The following WASHC3 variants were observed in gnomAD, a reference collection of about 807,000 sequenced individuals.
WASHC3 encodes the protein WASH complex subunit CCDC53.
A neutral mutation model predicts 26.1 loss-of-function variants in WASHC3; 24 were observed. The ratio of observed to expected loss-of-function variants is 0.92; its 90% CI spans 0.66 to 1.29. The LOEUF (loss-of-function observed/expected upper bound fraction) is 1.29. Among genes scored for constraint, WASHC3 ranks in the 50% most tolerant of loss-of-function variants. The pLI is 0.00. For missense variants in WASHC3, 214 were observed against 229.6 expected (o/e 0.93, Z 0.44); for synonymous variants, 77 against 75.7 (o/e 1.02, Z -0.09).
intron 5 of WASHC3, among the ~76,000 whole-genome samples, chr12:102,030,226 C>T (rs1002219677): frequency 1.4e-5 from 2 of 146,104 alleles, no homozygotes; most frequent in South Asian, 2.1e-4. Flanking sequence ...ACCCAGGAGG[C>T]GGAGGTTGCG....
intron 4 of WASHC3, among the ~76,000 whole-genome samples, chr12:102,040,625 T>C (rs1877899785): frequency 6.6e-6 from 1 of 152,104 alleles, no homozygotes; most frequent in Admixed American, 6.5e-5. Flanking sequence ...TAAATATGAC[T>C]TACAATAAAG....
At chr12:102,054,891 A>G (rs916827004) in intron 2 of WASHC3, among the ~76,000 whole-genome samples, 1 of 152,220 alleles carries the variant, frequency 6.6e-6, no homozygotes, top group Non-Finnish European at 1.5e-5. Context: ...ATCAATACTT[A>G]TGGGAGGTGG....
At chr12:102,043,218 G>A (rs1331132656) in intron 4 of WASHC3, among the ~76,000 whole-genome samples, 7 of 152,110 alleles carry the variant, frequency 4.6e-5, no homozygotes, top group African/African-American at 1.2e-4. Context: ...GGTCCATGGC[G>A]TGTACTTGAG....
intron 5 of WASHC3, among the ~76,000 whole-genome samples, chr12:102,028,420 G>A (rs1333335077): frequency 2.0e-5 from 3 of 152,104 alleles, no homozygotes; most frequent in Non-Finnish European, 4.4e-5. Flanking sequence ...TAATGTCATA[G>A]TTCTTTAAAA....
chr12:102,061,638 G>C (rs934674201), intron 1 of WASHC3, among the ~76,000 whole-genome samples: 4 of 152,222 alleles, frequency 2.6e-5, no homozygotes, highest in African/African-American at 9.6e-5. Context: ...GGTAGGGCTA[G>C]CTATCGCAAC....
chr12:102,036,210 A>C (rs1471492827), intron 5 of WASHC3, among the ~76,000 whole-genome samples: 1 of 151,930 alleles, frequency 6.6e-6, no homozygotes, highest in Non-Finnish European at 1.5e-5. Flanking sequence ...AAGTACACAA[A>C]TTAGCTGGGT....
chr12:102,061,997 CA>C, upstream of WASHC3: 1 of 1,566,372 alleles, frequency 6.4e-7, no homozygotes, highest in Non-Finnish European at 8.7e-7. Context: ...AGTTCACCCA[CA>C]AACCCCTCCC....
At chr12:102,023,925 G>T (rs1382268351) in intron 6 of WASHC3, among the ~76,000 whole-genome samples, 3 of 152,132 alleles carry the variant, frequency 2.0e-5, no homozygotes, top group Non-Finnish European at 4.4e-5. Flanking sequence ...TGAGACACAA[G>T]GAAATGTTGA....
chr12:102,061,705 A>C (rs1200959705), intron 1 of WASHC3, among the ~76,000 whole-genome samples: 1 of 152,030 alleles, frequency 6.6e-6, no homozygotes, highest in Non-Finnish European at 1.5e-5. Flanking sequence ...CAGTTGGGAG[A>C]TGCACACCGT....
At chr12:102,036,686 G>A (rs1877678316) in intron 5 of WASHC3, among the ~76,000 whole-genome samples, 1 of 152,172 alleles carries the variant, frequency 6.6e-6, no homozygotes, top group African/African-American at 2.4e-5. Context: ...TCAAGTCCAT[G>A]TGCCTGAAGG....
chr12:102,047,759 T>G (rs757487021), intron 2 of WASHC3, among the ~76,000 whole-genome samples: 4 of 152,132 alleles, frequency 2.6e-5, no homozygotes, highest in Non-Finnish European at 5.9e-5. Flanking sequence ...AATTAAAAAT[T>G]TTTCTGTTTT....
At chr12:102,020,666 T>C (rs1876914655) in intron 6 of WASHC3, among the ~76,000 whole-genome samples, 1 of 152,212 alleles carries the variant, frequency 6.6e-6, no homozygotes, top group South Asian at 2.1e-4. Context: ...TATTGCTGAA[T>C]AGGAGATGAT....
intron 2 of WASHC3, among the ~76,000 whole-genome samples, chr12:102,059,387 T>G (rs550598634): frequency 6.6e-6 from 1 of 152,306 alleles, no homozygotes; most frequent in South Asian, 2.1e-4. Context: ...ACCTTTAAAC[T>G]TCATGAGGTT....
intron 5 of WASHC3, among the ~76,000 whole-genome samples, chr12:102,033,404 G>A (rs1877514913): frequency 6.6e-6 from 1 of 151,994 alleles, no homozygotes; most frequent in South Asian, 2.1e-4. Flanking sequence ...TAAAATAGTA[G>A]GAGAAATGAT....
intron 2 of WASHC3, among the ~76,000 whole-genome samples, chr12:102,053,999 A>G (rs556088152): frequency 6.6e-6 from 1 of 152,348 alleles, no homozygotes; most frequent in East Asian, 1.9e-4. Context: ...GTTATCAATT[A>G]TGTTATTATC....
intron 5 of WASHC3, among the ~76,000 whole-genome samples, chr12:102,037,436 G>A (rs1388215998): frequency 1.3e-5 from 2 of 152,194 alleles, no homozygotes; most frequent in Non-Finnish European, 1.5e-5. Context: ...TTAAAATAGG[G>A]TGGCCAAGGA....
chr12:102,055,162 A>G (rs1024263932), intron 2 of WASHC3, among the ~76,000 whole-genome samples: 7 of 152,316 alleles, frequency 4.6e-5, no homozygotes, highest in African/African-American at 1.4e-4. Flanking sequence ...TTTTAGCTAG[A>G]TTAAGAAAAG....
At position 102,039,891 on chromosome 12, in the gene WASHC3, T is replaced by C. The variant is rs759495770; in HGVS notation, c.412A>G (p.Arg138Gly). ...ACCACTTGAACCATTTTGAGATATC[T>C]GGCATATCTTGGATCCTTGGCTACA... is the stretch of plus-strand genomic sequence containing the variant. The part of the protein sequence containing the change: ...LTVAKDPRYA[R>G]YLKMVQVGVP... The change falls in exon 5 of 7, where the codon AGA becomes GGA. Residue 138 changes from arginine to glycine, a missense_variant. Coordinates refer to ENST00000240079, the MANE Select transcript of WASHC3 (RefSeq NM_016053.4). 7.6e-6 allele frequency: 12 copies of C among 1,575,276 alleles called. No individual in the cohort carries two copies. The highest frequency in any genetic ancestry group is 1.3e-5 in the African/African-American group (1 of 74,154).
At chr12:102,020,337 T>C (rs541922609) in intron 6 of WASHC3, among the ~76,000 whole-genome samples, 1 of 152,070 alleles carries the variant, frequency 6.6e-6, no homozygotes, top group Non-Finnish European at 1.5e-5. Flanking sequence ...TGACACTGAG[T>C]CCCTAGATCC....
Sources: gnomAD v4.1 joint callset for allele counts (sites outside exome capture counted in the v4.1 genomes callset) on GRCh38, gnomAD v4.1.1 for gene constraint, MANE v1.5 for transcripts, NCBI Gene and HGNC (gene_info 2026-07-23, HGNC 2026-07-21) for gene names.